GPSM1: variants seen among roughly 807,000 people sequenced by gnomAD.
GPSM1 encodes G protein-signaling modulator 1.
GPSM1 carries 48 observed loss-of-function variants against 70.5 expected under a neutral mutation model. The ratio of observed to expected loss-of-function variants is 0.68; its 90% CI spans 0.54 to 0.87. The LOEUF (loss-of-function observed/expected upper bound fraction) is 0.87. Among genes scored for constraint, GPSM1 ranks in the 40% least tolerant of loss-of-function variants. The pLI, the probability that GPSM1 is intolerant of heterozygous loss-of-function variation, is 0.00. For synonymous variants in GPSM1, 416 were observed against 430.1 expected (o/e 0.97, Z 0.41); for missense variants, 981 against 972.6 (o/e 1.01, Z -0.11).
At position 136,358,055 on chromosome 9, in the gene GPSM1, A is replaced by G; in HGVS notation, c.1863A>G (p.Val621=). ...IDDQRCPPPD[V]LPRGPTMPDE... ...ACCAGCGCTGCCCGCCACCTGACGT[A>G]CTGCCCCGGGGCCCTACCATGCCGG... Residue 621 remains valine, a synonymous_variant, in exon 14 of 14, where the codon GTA becomes GTG. Transcript: ENST00000440944. The G allele has an allele frequency of 6.2e-7, 1 of 1,612,738 alleles. No homozygotes were observed.
Position 136,342,355 on chromosome 9 carries a change from C to T in GPSM1, c.1207+1362C>T, listed in dbSNP as rs558434603. ...AGGCTGCGGCTCTGGGTCCTCCCGA[C>T]GTTTTCTTTCTTGGAGCCAAGGAAA... On this transcript the variant is annotated intron_variant, in intron 9 of 13. Coordinates refer to ENST00000440944, the MANE Select transcript of GPSM1 (RefSeq NM_001145638.3). The surrounding 1 kb of genome is among the most constrained non-coding windows in gnomAD (Gnocchi z 5.5). Among the ~76,000 whole-genome samples, 1 of 152,178 alleles carries T rather than the reference C, an allele frequency of 6.6e-6. No individual in the cohort carries two copies. The highest frequency in any genetic ancestry group is 2.4e-5 in the African/African-American group (1 of 41,442).
intron 6 of GPSM1, 91 bp from the exon 7 acceptor site, chr9:136,338,464 G>A (rs1339242777): frequency 1.3e-5 from 17 of 1,265,728 alleles, no homozygotes; most frequent in Non-Finnish European, 1.8e-5. Context: ...CCGGGGCAGG[G>A]GACCATCGGG....
chr9:136,351,240 G>A (rs1832654757), intron 11 of GPSM1, among the ~76,000 whole-genome samples: 1 of 152,100 alleles, frequency 6.6e-6, no homozygotes, highest in South Asian at 2.1e-4. Flanking sequence ...TCTGGGCTAG[G>A]TCCATCCGTC....
intron 7 of GPSM1, 138 bp downstream of exon 7, chr9:136,338,848 TG>T: frequency 1.1e-6 from 1 of 910,132 alleles, no homozygotes; most frequent in Non-Finnish European, 1.6e-6. Context: ...AACGCCACTG[TG>T]GGGACTGAGC....
rs569962693 is a variant in GPSM1, at chr9:136,340,569, G to C, written c.1084-301G>C. 2.8e-3 allele frequency among the ~76,000 whole-genome samples: 423 copies of C among 152,134 alleles called. 3 individuals carry two copies. Among genetic ancestry groups the C allele is most frequent in the African/African-American group, 9.7e-3 (402 of 41,490 alleles). ...GGGGCTGAGAGAGGTGCAGCCGGGC[G>C]GGGCCGGGCCCCTCGCGCACCGGAG... On this transcript the variant is annotated intron_variant, in intron 8 of 13. Coordinates refer to ENST00000440944, the MANE Select transcript of GPSM1 (RefSeq NM_001145638.3). This position sits in a 1 kb window ranked among gnomAD's most constrained non-coding sequence, Gnocchi z 7.3.
chr9:136,349,191 C>T (rs1281403424), intron 10 of GPSM1, among the ~76,000 whole-genome samples: 2 of 152,272 alleles, frequency 1.3e-5, no homozygotes, highest in Non-Finnish European at 2.9e-5. Flanking sequence ...GGGCCCTGGG[C>T]TGGCCCTGTG....
chr9:136,335,198 C>T (rs1271178840), intron 2 of GPSM1, among the ~76,000 whole-genome samples: 2 of 151,722 alleles, frequency 1.3e-5, no homozygotes, highest in Non-Finnish European at 2.9e-5. Flanking sequence ...GCCCTGAGCC[C>T]CGGGCCCACT....
chr9:136,339,566 G>A (rs1208311825), intron 7 of GPSM1, 141 bp from the exon 8 acceptor site: 13 of 618,404 alleles, frequency 2.1e-5, no homozygotes, highest in South Asian at 5.8e-5. Context: ...CCTGTCATCC[G>A]GCCAATGCCC....
intron 3 of GPSM1, 82 bp downstream of exon 3, chr9:136,336,183 C>T: frequency 6.9e-7 from 1 of 1,456,210 alleles, no homozygotes; most frequent in Non-Finnish European, 9.3e-7. Flanking sequence ...GGGCGGGTGA[C>T]TCACCACTCA....
chr9:136,333,917 G>C (rs181639781), intron 1 of GPSM1, among the ~76,000 whole-genome samples: 2 of 152,232 alleles, frequency 1.3e-5, no homozygotes, highest in East Asian at 1.9e-4. Flanking sequence ...GCTTGGGGGT[G>C]GGGGAGGAGC....
chr9:136,336,876 G>T (rs1554769301), intron 3 of GPSM1, 45 bp from the exon 4 acceptor site: 3 of 1,522,504 alleles, frequency 2.0e-6, no homozygotes, highest in African/African-American at 1.4e-5. Flanking sequence ...CACATCGTGT[G>T]GGGGGCCGTG....
chr9:136,356,003 G>A lies in GPSM1; in HGVS notation c.1612+157G>A, dbSNP rs575911683. Reference sequence around the variant, plus strand: ...GAGGGCGCCCTCCGCAGCCCCCACAGAGCAGCATCCCGGGAAGCGTGTCAT... The same window carrying A: ...GAGGGCGCCCTCCGCAGCCCCCACAAAGCAGCATCCCGGGAAGCGTGTCAT... On this transcript the variant is annotated intron_variant, in intron 12 of 13. Coordinates refer to ENST00000440944, the MANE Select transcript of GPSM1 (RefSeq NM_001145638.3). Among the ~76,000 whole-genome samples the A allele has an allele frequency of 2.6e-5, 4 of 152,052 alleles. No individual in the cohort carries two copies. The East Asian group carries it at 5.8e-4, about 22-fold the overall frequency.
chr9:136,336,868 C>G, intron 3 of GPSM1, 53 bp from the exon 4 acceptor site: 1 of 1,513,278 alleles, frequency 6.6e-7, no homozygotes, highest in Non-Finnish European at 8.9e-7. Flanking sequence ...CGGCTCTGCA[C>G]ATCGTGTGGG....
At position 136,337,350 on chromosome 9, in the gene GPSM1, C is replaced by T. The variant is rs372570148; in HGVS notation, c.579-91C>T. The T allele has an allele frequency of 2.9e-5, 44 of 1,510,694 alleles. No individual in the cohort carries two copies. In the African/African-American group the frequency reaches 5.7e-4, roughly 19 times the overall value. The allele number at this position is 1,510,694 out of a possible 1,614,324, so 93.6% of individuals were successfully genotyped here. On this transcript the variant is annotated intron_variant, in intron 4 of 13. Coordinates refer to ENST00000440944, the MANE Select transcript of GPSM1 (RefSeq NM_001145638.3). ...CTCTTTCCAGGGCATGGCCCTGAGGCCGCATGGAGGCCGCTACTCAGCTCT... is the reference window on the plus strand; with the variant it reads ...CTCTTTCCAGGGCATGGCCCTGAGGTCGCATGGAGGCCGCTACTCAGCTCT...
At chr9:136,337,716 C>T in intron 5 of GPSM1, 130 bp from the exon 6 acceptor site, 3 of 979,386 alleles carry the variant, frequency 3.1e-6, no homozygotes, top group Non-Finnish European at 4.7e-6. Context: ...CTTGGTCCTG[C>T]AGCTGCTAGC....
chr9:136,351,563 G>A (rs1310149116), intron 11 of GPSM1, among the ~76,000 whole-genome samples: 8 of 152,184 alleles, frequency 5.3e-5, no homozygotes, highest in African/African-American at 1.7e-4. Context: ...GGGCTTCCAG[G>A]CTTCACGTCA....
At position 136,336,912 on chromosome 9, in the gene GPSM1, T is replaced by C; in HGVS notation, c.427-9T>C. On this transcript the variant is annotated splice_polypyrimidine_tract_variant and intron_variant, in intron 3 of 13. Transcript: ENST00000440944. ...GAGGCATGCCCCCAACCCTCCGTAC[T>C]GCCCACAGGTTGGGGAGGCGAGGGC... is the stretch of plus-strand genomic sequence containing the variant. The C allele has an allele frequency of 6.4e-6, 10 of 1,551,682 alleles. No homozygotes were observed. Among genetic ancestry groups the C allele is most frequent in the Non-Finnish European group, 8.7e-6 (10 of 1,147,736 alleles).
chr9:136,336,996 G>T lies in GPSM1; in HGVS notation c.502G>T (p.Ala168Ser). 1 of 1,553,862 alleles carries T rather than the reference G, an allele frequency of 6.4e-7. No individual in the cohort carries two copies. Among genetic ancestry groups the T allele is most frequent in the South Asian group, 1.2e-5 (1 of 84,218 alleles). The change falls in exon 4 of 14, where the codon GCA becomes TCA. Residue 168 changes from alanine (A) to serine (S), a missense_variant. Coordinates refer to ENST00000440944, the MANE Select transcript of GPSM1 (RefSeq NM_001145638.3). ...AKGKQLSWNA[A>S]NATQDPGHLP... ...AGGCAAGCAACTGTCCTGGAACGCC[G>T]CAAACGCCACGCAGGACCCCGGGCA... is the stretch of plus-strand genomic sequence containing the variant.
intron 4 of GPSM1, 41 bp downstream of exon 4, chr9:136,337,113 G>A: frequency 3.3e-6 from 5 of 1,505,496 alleles, no homozygotes; most frequent in Non-Finnish European, 3.6e-6. Flanking sequence ...GGGCTGGCCT[G>A]TGCGTTTCTG....
Sources: allele counts gnomAD v4.1 joint callset (sites outside exome capture counted in the v4.1 genomes callset), GRCh38; gene constraint gnomAD v4.1.1; non-coding constraint Gnocchi (gnomAD v3.1); transcripts MANE v1.5; gene names NCBI Gene and HGNC (gene_info 2026-07-23, HGNC 2026-07-21).